The following AGBL4 variants were observed in gnomAD, a reference collection of about 807,000 sequenced individuals.
The protein encoded by AGBL4 is cytosolic carboxypeptidase 6.
A neutral mutation model predicts 66.4 loss-of-function variants in AGBL4; 58 were observed. The observed-to-expected ratio is 0.87, with a 90% CI of 0.71 to 1.09. The LOEUF is 1.09. Among genes scored for constraint, AGBL4 ranks in the 50% least tolerant of loss-of-function variants. AGBL4 has a pLI of 0.00. For synonymous variants in AGBL4, 234 were observed against 222.9 expected (o/e 1.05, Z -0.44); for missense variants, 579 against 631.0 (o/e 0.92, Z 0.88).
intron 5 of AGBL4, among the ~76,000 whole-genome samples, chr1:48,869,152 C>T (rs1648399035): frequency 6.6e-6 from 1 of 152,216 alleles, no homozygotes; most frequent in South Asian, 2.1e-4. Flanking sequence ...CTCAAACACA[C>T]ATACCTGTTT....
chr1:49,820,304 T>C (rs539461721), intron 2 of AGBL4, among the ~76,000 whole-genome samples: 1 of 152,282 alleles, frequency 6.6e-6, no homozygotes, highest in East Asian at 1.9e-4. Flanking sequence ...AATTTCTTAC[T>C]GAGTGTATAA....
At chr1:49,518,876 A>G (rs982643839) in intron 3 of AGBL4, among the ~76,000 whole-genome samples, 1 of 152,086 alleles carries the variant, frequency 6.6e-6, no homozygotes, top group African/African-American at 2.4e-5. Context: ...TCATTTGGAG[A>G]TTCACTTAAA....
chr1:49,220,450 G>T (rs915128571), intron 4 of AGBL4, among the ~76,000 whole-genome samples: 1 of 152,124 alleles, frequency 6.6e-6, no homozygotes, highest in Non-Finnish European at 1.5e-5. Context: ...TTGGTAAAAG[G>T]AGAATATCTG....
chr1:49,877,863 C>A (rs1023176875), intron 1 of AGBL4, among the ~76,000 whole-genome samples: 8 of 152,042 alleles, frequency 5.3e-5, no homozygotes, highest in Admixed American at 4.6e-4. Context: ...TTCAGAGATT[C>A]AACTTCTTCC....
intron 5 of AGBL4, among the ~76,000 whole-genome samples, chr1:48,924,412 T>C (rs528831993): frequency 3.3e-5 from 5 of 152,244 alleles, no homozygotes; most frequent in South Asian, 2.1e-4. Flanking sequence ...CCAGTAAGTA[T>C]ACTGAGAGGG....
At chr1:49,250,934 A>G (rs1033136818) in intron 3 of AGBL4, among the ~76,000 whole-genome samples, 1 of 152,176 alleles carries the variant, frequency 6.6e-6, no homozygotes, top group African/African-American at 2.4e-5. Context: ...GTGCAGGGGC[A>G]TCTGTAGTGG....
At chr1:49,634,232 G>A (rs557415068) in intron 3 of AGBL4, among the ~76,000 whole-genome samples, 1 of 151,674 alleles carries the variant, frequency 6.6e-6, no homozygotes, top group East Asian at 1.9e-4. Flanking sequence ...AACCCTGAGG[G>A]GCCCCAGTGT....
intron 11 of AGBL4, among the ~76,000 whole-genome samples, chr1:48,573,235 T>G (rs1644597343): frequency 6.6e-6 from 1 of 152,216 alleles, no homozygotes; most frequent in Non-Finnish European, 1.5e-5. Context: ...AAATCATTTC[T>G]CGCTTACTAT....
chr1:48,647,031 G>A (rs528175308), intron 8 of AGBL4, among the ~76,000 whole-genome samples: 1 of 152,268 alleles, frequency 6.6e-6, no homozygotes, highest in South Asian at 2.1e-4. Context: ...CCAAGGCCCA[G>A]CACAGGGCCT....
intron 3 of AGBL4, among the ~76,000 whole-genome samples, chr1:49,475,422 G>C (rs564600228): frequency 6.6e-6 from 1 of 151,888 alleles, no homozygotes; most frequent in Non-Finnish European, 1.5e-5. Flanking sequence ...CCAGACTTTG[G>C]CACCAAGATG....
intron 3 of AGBL4, among the ~76,000 whole-genome samples, chr1:49,473,001 AC>A (rs1388378351): frequency 3.3e-5 from 5 of 151,632 alleles, no homozygotes; most frequent in Non-Finnish European, 7.4e-5. Context: ...ACATTATTTC[AC>A]CCTCTTTATG....
chr1:49,531,778 C>G (rs1293452089), intron 3 of AGBL4, among the ~76,000 whole-genome samples: 38 of 152,096 alleles, frequency 2.5e-4, no homozygotes, highest in Admixed American at 2.4e-3. Context: ...AATTCAAATG[C>G]CCATGGTTTT....
chr1:49,153,952 A>G (rs1487835500), intron 4 of AGBL4, among the ~76,000 whole-genome samples: 1 of 152,100 alleles, frequency 6.6e-6, no homozygotes, highest in Non-Finnish European at 1.5e-5. Flanking sequence ...CCTACCTCAG[A>G]GATTTATTTT....
intron 11 of AGBL4, among the ~76,000 whole-genome samples, chr1:48,553,778 A>G (rs2803266): frequency 6.6e-6 from 1 of 152,024 alleles, no homozygotes; most frequent in East Asian, 1.9e-4. Flanking sequence ...TTTATCACCA[A>G]CTTCCTGGTA....
At position 49,898,841 on chromosome 1, in the gene AGBL4, T is replaced by C. The variant is rs556370001; in HGVS notation, c.35-47323A>G. Among the ~76,000 whole-genome samples the C allele has an allele frequency of 4.1e-4, 63 of 152,308 alleles. 1 individual carries two copies. The highest frequency in any genetic ancestry group is 1.3e-3 in the African/African-American group (56 of 41,592). On this transcript the variant is annotated intron_variant, in intron 1 of 13. Transcript: ENST00000371839. ...CAACATGGATGAAACTAGAGGTCAC[T>C]GTGTTAAGTGAAGTAAGCTAGGCAC... is the stretch of plus-strand genomic sequence containing the variant.
intron 5 of AGBL4, among the ~76,000 whole-genome samples, chr1:49,013,604 C>A (rs1170364562): frequency 6.6e-6 from 1 of 152,172 alleles, no homozygotes; most frequent in African/African-American, 2.4e-5. Flanking sequence ...TTGTCCCTAC[C>A]ATTATGCTCT....
intron 3 of AGBL4, among the ~76,000 whole-genome samples, chr1:49,555,486 T>A (rs1461226440): frequency 2.0e-5 from 3 of 150,090 alleles, no homozygotes; most frequent in Non-Finnish European, 3.0e-5. Context: ...GATGGGTGCT[T>A]TTGTGTCTAG....
chr1:49,644,370 G>T (rs1645843059), intron 3 of AGBL4, among the ~76,000 whole-genome samples: 1 of 151,476 alleles, frequency 6.6e-6, no homozygotes, highest in Admixed American at 6.6e-5. Flanking sequence ...GTCAAACTGG[G>T]TTCAAAAGTA....
intron 1 of AGBL4, among the ~76,000 whole-genome samples, chr1:49,919,524 C>T (rs1420442750): frequency 6.6e-6 from 1 of 152,120 alleles, no homozygotes; most frequent in African/African-American, 2.4e-5. Context: ...AGGAATCCAA[C>T]TTACAAGGGA....
Sources: gnomAD v4.1 joint callset for allele counts (sites outside exome capture counted in the v4.1 genomes callset) on GRCh38, gnomAD v4.1.1 for gene constraint, MANE v1.5 for transcripts, NCBI Gene and HGNC (gene_info 2026-07-23, HGNC 2026-07-21) for gene names.